NELL1: variants seen among roughly 807,000 people sequenced by gnomAD.
NELL1 encodes the protein protein kinase C-binding protein NELL1.
In NELL1, 76 loss-of-function variants were observed where a neutral mutation model predicts 107.4. The ratio of observed to expected loss-of-function variants is 0.71; its 90% CI spans 0.59 to 0.86. NELL1 has a LOEUF of 0.86. Among genes scored for constraint, NELL1 ranks in the 40% least tolerant of loss-of-function variants. The pLI is 0.00. For synonymous variants in NELL1, 353 were observed against 341.2 expected, an observed-to-expected ratio of 1.03 and a Z score of -0.38; for missense variants, 1,024 against 1,005.5, an observed-to-expected ratio of 1.02 and a Z score of -0.25.
At chr11:21,305,644 A>T (rs1849588914) in intron 14 of NELL1, among the ~76,000 whole-genome samples, 1 of 151,848 alleles carries the variant, frequency 6.6e-6, no homozygotes, top group Admixed American at 6.6e-5. Flanking sequence ...ATATCTAGAC[A>T]GTATAGATTC....
At chr11:21,225,961 C>A (rs1057135487) in intron 13 of NELL1, among the ~76,000 whole-genome samples, 1 of 152,144 alleles carries the variant, frequency 6.6e-6, no homozygotes, top group Non-Finnish European at 1.5e-5. Flanking sequence ...GTAGACATAC[C>A]TTGCAATTGG....
chr11:20,835,129 A>G (rs1397918310), intron 3 of NELL1, among the ~76,000 whole-genome samples: 2 of 152,060 alleles, frequency 1.3e-5, no homozygotes, highest in Admixed American at 6.6e-5. Flanking sequence ...TCTCTTACCC[A>G]TCTCACTCCA....
chr11:20,879,958 A>C (rs1310154738), intron 4 of NELL1, among the ~76,000 whole-genome samples: 1 of 152,242 alleles, frequency 6.6e-6, no homozygotes, highest in Non-Finnish European at 1.5e-5. Flanking sequence ...TGCAAAGTTT[A>C]GTATCTAAAT....
chr11:21,385,209 A>T (rs1945444), intron 15 of NELL1, among the ~76,000 whole-genome samples: 28,405 of 151,788 alleles, frequency 0.19, 3,180 homozygotes, highest in African/African-American at 0.31. Context: ...CCAGCCAGAA[A>T]ATAAACTCCA....
intron 13 of NELL1, among the ~76,000 whole-genome samples, chr11:21,141,151 T>A (rs1590673453): frequency 6.6e-6 from 1 of 152,228 alleles, no homozygotes; most frequent in South Asian, 2.1e-4. Context: ...GCACACATAA[T>A]GTATTTGCAG....
Position 20,885,504 on chromosome 11 carries a change from G to T in NELL1, c.567G>T (p.Trp189Cys). ...DTNLPPGINL[W>C]LGQRNQKHGL... ...ACCTTCCCCCAGGAATCAATTTATG[G>T]CTTGGCCAGCGCAACCAAAAGCATG... Residue 189 changes from tryptophan (W) to cysteine (C), a missense_variant, in exon 5 of 20, where the codon TGG (tryptophan) becomes TGT (cysteine). Transcript: ENST00000357134. 6.2e-7 allele frequency: 1 copy of T among 1,613,386 alleles called. No homozygotes were observed. The highest frequency in any genetic ancestry group is 8.5e-7 in the Non-Finnish European group (1 of 1,179,354).
At chr11:21,299,231 T>G (rs893698902) in intron 14 of NELL1, among the ~76,000 whole-genome samples, 15 of 152,024 alleles carry the variant, frequency 9.9e-5, no homozygotes, top group Admixed American at 7.9e-4. Flanking sequence ...AATCTGTGTT[T>G]AATTTTTGCA....
At chr11:21,101,616 T>C (rs1330530730) in intron 12 of NELL1, among the ~76,000 whole-genome samples, 1 of 152,202 alleles carries the variant, frequency 6.6e-6, no homozygotes, top group Non-Finnish European at 1.5e-5. Flanking sequence ...TTCATGTGTC[T>C]TTTGGCTGCA....
At chr11:21,347,275 A>G (rs548661125) in intron 14 of NELL1, among the ~76,000 whole-genome samples, 1 of 152,118 alleles carries the variant, frequency 6.6e-6, no homozygotes, top group Non-Finnish European at 1.5e-5. Context: ...TAAAGGCCCT[A>G]AAGTGGAAAA....
intron 14 of NELL1, among the ~76,000 whole-genome samples, chr11:21,268,025 T>G (rs1430422469): frequency 6.6e-6 from 1 of 151,782 alleles, no homozygotes; most frequent in Non-Finnish European, 1.5e-5. Flanking sequence ...CCTTTGTCTT[T>G]TAGTTAGAAA....
intron 14 of NELL1, among the ~76,000 whole-genome samples, chr11:21,290,371 A>T (rs998144043): frequency 4.9e-5 from 7 of 143,928 alleles, no homozygotes; most frequent in East Asian, 4.1e-4. Context: ...GCCATCTCAA[A>T]AAATAAATAA....
chr11:20,895,461 A>G (rs1216443743), intron 5 of NELL1, among the ~76,000 whole-genome samples: 1 of 144,282 alleles, frequency 6.9e-6, no homozygotes, highest in Non-Finnish European at 1.5e-5. Context: ...GTGTATTCAA[A>G]TTTTTTAGCT....
chr11:20,749,578 G>A (rs1211802994), intron 2 of NELL1, among the ~76,000 whole-genome samples: 6 of 152,024 alleles, frequency 3.9e-5, no homozygotes, highest in Admixed American at 3.3e-4. Context: ...TTCAGCTTGG[G>A]TGACAGAGAA....
chr11:21,333,992 T>G (rs1268267010), intron 14 of NELL1, among the ~76,000 whole-genome samples: 1 of 152,086 alleles, frequency 6.6e-6, no homozygotes, highest in Non-Finnish European at 1.5e-5. Context: ...ACACAATTAC[T>G]TAAGGGCCAT....
chr11:21,317,778 A>G (rs1849912237), intron 14 of NELL1, among the ~76,000 whole-genome samples: 2 of 152,128 alleles, frequency 1.3e-5, no homozygotes, highest in Admixed American at 1.3e-4. Flanking sequence ...GACTGTAACA[A>G]TGAGTTCTGA....
At chr11:21,168,983 G>A (rs1856545432) in intron 13 of NELL1, among the ~76,000 whole-genome samples, 1 of 151,870 alleles carries the variant, frequency 6.6e-6, no homozygotes, top group African/African-American at 2.4e-5. Context: ...CTGTATTGGT[G>A]ATGCAGTGTA....
intron 16 of NELL1, among the ~76,000 whole-genome samples, chr11:21,543,212 G>A (rs1296442118): frequency 2.6e-5 from 4 of 152,020 alleles, no homozygotes; most frequent in South Asian, 2.1e-4. Context: ...ATAATATTTA[G>A]TGTGGTCTCA....
intron 11 of NELL1, among the ~76,000 whole-genome samples, chr11:20,950,350 G>A (rs190573324): frequency 3.3e-5 from 5 of 152,300 alleles, no homozygotes; most frequent in Admixed American, 2.6e-4. Flanking sequence ...TTAACAAAGA[G>A]CAATACAGAT....
At chr11:21,136,240 G>T (rs893511688) in intron 13 of NELL1, among the ~76,000 whole-genome samples, 7 of 151,976 alleles carry the variant, frequency 4.6e-5, no homozygotes, top group Admixed American at 1.3e-4. Context: ...AAGAAGGACT[G>T]AGCTTGGTAT....
Sources: gnomAD v4.1 joint callset for allele counts (sites outside exome capture counted in the v4.1 genomes callset) on GRCh38, gnomAD v4.1.1 for gene constraint, MANE v1.5 for transcripts, NCBI Gene and HGNC (gene_info 2026-07-23, HGNC 2026-07-21) for gene names.